POLN: variants seen among roughly 807,000 people sequenced by gnomAD.
POLN encodes DNA polymerase N.
A neutral mutation model predicts 113.5 loss-of-function variants in POLN; 108 were observed. The ratio of observed to expected loss-of-function variants is 0.95; its 90% CI spans 0.81 to 1.12. POLN has a LOEUF of 1.12. Ranked by LOEUF, POLN falls within the 50% of genes most tolerant of loss-of-function variation. The pLI is 0.00. For missense variants in POLN, 1,097 were observed against 1,077.1 expected (o/e 1.02, Z -0.26); for synonymous variants, 386 against 391.5 (o/e 0.99, Z 0.17).
In POLN at chr4:2,151,544, A is replaced by G. The variant is rs563110022; in HGVS notation, c.1731+5244T>C. 2.6e-5 allele frequency among the ~76,000 whole-genome samples: 4 copies of G among 152,366 alleles called. No homozygotes were observed. The South Asian group carries it at 8.3e-4, about 32-fold the overall frequency. On this transcript the variant is annotated intron_variant, in intron 16 of 25. Transcript: ENST00000511885. The stretch of plus-strand genomic sequence containing the variant: ...TAGTTAATATCCCAAACTGAATAAT[A>G]TCCCCAAACTGGAAATGACCCAAAT...
At chr4:2,211,250 A>AAAT (rs71167780) in intron 4 of POLN, among the ~76,000 whole-genome samples, 15,923 of 139,682 alleles carry the variant, frequency 0.11, 984 homozygotes, top group Non-Finnish European at 0.15. Context: ...CTCCGTCTCC[A>AAAT]AATAATAATA....
At chr4:2,180,569 T>G (rs1317181148) in intron 7 of POLN, among the ~76,000 whole-genome samples, 1 of 152,200 alleles carries the variant, frequency 6.6e-6, no homozygotes, top group Non-Finnish European at 1.5e-5. Context: ...AGTAGCACAT[T>G]TGGAGCTCTG....
At position 2,213,062 on chromosome 4, in the gene POLN, T is replaced by C. The variant is rs1487221125; in HGVS notation, c.198A>G (p.Gln66=). Residue 66 remains glutamine, a synonymous_variant, in exon 4 of 26, where the codon CAA becomes CAG. Coordinates refer to ENST00000511885, the MANE Select transcript of POLN (RefSeq NM_181808.4). ...YSVQLEDRKT[Q]SPEKKDLKSL... ...AATGATTTACCTTTTTTTCTGGTGA[T>C]TGAGTCTTCCTGTCTTCAAGTTGTA... 3 of 1,608,754 alleles carry C rather than the reference T, an allele frequency of 1.9e-6. No individual in the cohort carries two copies. Among genetic ancestry groups the C allele is most frequent in the South Asian group, 1.1e-5 (1 of 89,986 alleles).
chr4:2,205,354 TA>T (rs1733816733), intron 5 of POLN, among the ~76,000 whole-genome samples: 1 of 151,838 alleles, frequency 6.6e-6, no homozygotes, highest in Non-Finnish European at 1.5e-5. Context: ...TGCAAAAAAA[TA>T]AAATACTTAG....
At position 2,222,711 on chromosome 4, in the gene POLN, T is replaced by TTTTG. The variant is rs767594412; in HGVS notation, c.133+6387_133+6388insCAAA. ...ACCCACGGCCTTTTTTTTTTTTTTT[T>TTTTG]TATTTTTCCACAGGATCTATTATTC... is the stretch of plus-strand genomic sequence containing the variant. On this transcript the variant is annotated intron_variant, in intron 3 of 25. Transcript: ENST00000511885. 8.8e-3 allele frequency among the ~76,000 whole-genome samples: 1,295 copies of TTTTG among 147,710 alleles called. 25 individuals are homozygous for TTTTG. Among genetic ancestry groups the TTTTG allele is most frequent in the African/African-American group, 0.029 (1,131 of 38,696 alleles).
chr4:2,213,040 G>T lies in POLN; in HGVS notation c.213+7C>A. ...ATTTAAAATTACTCATATGTGCAAT[G>T]ATTTACCTTTTTTTCTGGTGATTGA... is the stretch of plus-strand genomic sequence containing the variant. On this transcript the variant is annotated splice_region_variant and intron_variant, in intron 4 of 25. Transcript: ENST00000511885. 1 of 1,589,196 alleles carries T rather than the reference G, an allele frequency of 6.3e-7. No homozygotes were observed. Among genetic ancestry groups the T allele is most frequent in the Non-Finnish European group, 8.6e-7 (1 of 1,162,494 alleles).
intron 2 of POLN, chr4:2,239,082 C>G (rs745680804): frequency 9.1e-7 from 1 of 1,100,816 alleles, no homozygotes; most frequent in Admixed American, 2.7e-5. Context: ...AACTGTATGC[C>G]TAAATTTGAA....
At position 2,151,080 on chromosome 4, in the gene POLN, C is replaced by T. The variant is rs114377035; in HGVS notation, c.1731+5708G>A. ...TGCCAAGAATATACCTGCTAAAGGA[C>T]TTGTATCTAGAATATATACAGAACT... On this transcript the variant is annotated intron_variant, in intron 16 of 25. Transcript: ENST00000511885. 7.8e-3 allele frequency among the ~76,000 whole-genome samples: 1,182 copies of T among 152,258 alleles called. 21 individuals carry two copies. The highest frequency in any genetic ancestry group is 0.027 in the African/African-American group (1,128 of 41,552).
At chr4:2,174,253 G>A (rs1369379396) in intron 10 of POLN, among the ~76,000 whole-genome samples, 2 of 152,234 alleles carry the variant, frequency 1.3e-5, no homozygotes, top group Admixed American at 1.3e-4. Flanking sequence ...GACCGCACTG[G>A]CCAGCCTGGC....
intron 4 of POLN, among the ~76,000 whole-genome samples, chr4:2,212,024 AC>A (rs1734005658): frequency 2.0e-5 from 3 of 152,230 alleles, no homozygotes; most frequent in Admixed American, 2.0e-4. Context: ...CATCCTATGA[AC>A]CCAGGGGCAA....
At chr4:2,112,929 A>C (rs1239390120) in intron 19 of POLN, among the ~76,000 whole-genome samples, 1 of 152,142 alleles carries the variant, frequency 6.6e-6, no homozygotes, top group Non-Finnish European at 1.5e-5. Context: ...ATAAAGACAC[A>C]TGCACACGTA....
intron 10 of POLN, among the ~76,000 whole-genome samples, chr4:2,174,343 C>G (rs1313994036): frequency 2.2e-4 from 33 of 152,210 alleles, no homozygotes; most frequent in Admixed American, 2.2e-3. Flanking sequence ...AGAAGAGAGC[C>G]CTGCATCAGT....
At chr4:2,117,267 G>A (rs1403390720) in intron 19 of POLN, among the ~76,000 whole-genome samples, 3 of 152,220 alleles carry the variant, frequency 2.0e-5, no homozygotes, top group African/African-American at 4.8e-5. Flanking sequence ...AGCAAGCCAC[G>A]TGGCTAACCC....
intron 3 of POLN, chr4:2,227,858 CCT>C (rs975575789): frequency 2.0e-5 from 3 of 152,092 alleles, no homozygotes; most frequent in Non-Finnish European, 4.4e-5. Context: ...TATATTTCCA[CCT>C]CTGTCAAGTA....
chr4:2,141,925 G>C (rs1272638823), intron 16 of POLN, among the ~76,000 whole-genome samples: 1 of 152,138 alleles, frequency 6.6e-6, no homozygotes, highest in Non-Finnish European at 1.5e-5. Context: ...ACCCAGAGGG[G>C]CCAGAGGAAG....
intron 19 of POLN, among the ~76,000 whole-genome samples, chr4:2,125,668 C>T (rs1488824037): frequency 6.6e-6 from 1 of 152,102 alleles, no homozygotes; most frequent in Non-Finnish European, 1.5e-5. Flanking sequence ...ACACAGCTTC[C>T]TAAGGGGGCA....
intron 2 of POLN, among the ~76,000 whole-genome samples, chr4:2,236,045 C>T (rs938219952): frequency 2.0e-5 from 3 of 151,978 alleles, no homozygotes; most frequent in Admixed American, 6.5e-5. Context: ...TCTGTGCACA[C>T]TCATCAAAAC....
Position 2,171,078 on chromosome 4 carries a change from G to T in POLN, c.1458+20C>A. On this transcript the variant is annotated intron_variant, in intron 12 of 25. Transcript: ENST00000511885. ...TGAATAAGAAATACATTTTATGAAAGAACCAAAATTCAGCTTTACCTCTCG... is the reference window on the plus strand; with the variant it reads ...TGAATAAGAAATACATTTTATGAAATAACCAAAATTCAGCTTTACCTCTCG... The T allele has an allele frequency of 6.3e-7, 1 of 1,588,690 alleles. No homozygotes were observed. Among genetic ancestry groups the T allele is most frequent in the African/African-American group, 1.4e-5 (1 of 73,848 alleles).
At chr4:2,197,405 T>C (rs558223158) in intron 6 of POLN, among the ~76,000 whole-genome samples, 3 of 152,190 alleles carry the variant, frequency 2.0e-5, no homozygotes, top group African/African-American at 7.2e-5. Flanking sequence ...TTGTGGAAAG[T>C]AGAGAGAAGT....
Sources: gnomAD v4.1 joint callset for allele counts (sites outside exome capture counted in the v4.1 genomes callset) on GRCh38, gnomAD v4.1.1 for gene constraint, MANE v1.5 for transcripts, NCBI Gene and HGNC (gene_info 2026-07-23, HGNC 2026-07-21) for gene names.